The following ZFAT variants were observed in gnomAD, a reference collection of about 807,000 sequenced individuals.
The protein encoded by ZFAT is zinc finger protein ZFAT.
Under a neutral mutation model 117.7 loss-of-function variants are expected in ZFAT, and 64 were observed. The observed-to-expected ratio is 0.54, with a 90% CI of 0.44 to 0.67. The LOEUF (loss-of-function observed/expected upper bound fraction) is 0.67. ZFAT is among the 30% of genes least tolerant of loss of function. The pLI is 0.00. For missense variants in ZFAT, 1,433 were observed against 1,584.5 expected (o/e 0.90, Z 1.62); for synonymous variants, 679 against 615.0 (o/e 1.10, Z -1.54).
At chr8:134,713,639 A>G (rs1814125598), upstream of ZFAT, among the ~76,000 whole-genome samples, 1 of 151,926 alleles carries the variant, frequency 6.6e-6, no homozygotes, top group Admixed American at 6.6e-5. Flanking sequence ...CGCGCCTCCA[A>G]CACCCGCTCA....
chr8:134,601,333 G>T, intron 6 of ZFAT, 144 bp downstream of exon 6: 1 of 1,242,694 alleles, frequency 8.0e-7, no homozygotes, highest in Non-Finnish European at 1.1e-6. Context: ...GGCCACACAG[G>T]GTCACCGTTC....
At chr8:134,697,010 C>T (rs1418539537) in intron 1 of ZFAT, among the ~76,000 whole-genome samples, 1 of 152,092 alleles carries the variant, frequency 6.6e-6, no homozygotes, top group African/African-American at 2.4e-5. Context: ...CTCCGCCCAC[C>T]AGGTTCAAGC....
chr8:134,757,758 C>T, the ZFAT span, among the ~76,000 whole-genome samples: 9 of 152,170 alleles, frequency 5.9e-5, no homozygotes, highest in Non-Finnish European at 1.3e-4. Flanking sequence ...TGAATTGTAG[C>T]AGATATGTCC....
At chr8:134,724,097 T>G in the ZFAT span, 1 of 152,388 alleles carries the variant, frequency 6.6e-6, no homozygotes, top group African/African-American at 2.4e-5. Flanking sequence ...CATCTCTTGA[T>G]GCAGAATCTT....
At chr8:134,774,510 T>C in the ZFAT span, among the ~76,000 whole-genome samples, 3 of 152,034 alleles carry the variant, frequency 2.0e-5, no homozygotes, top group African/African-American at 4.8e-5. Context: ...ACCAGGAAAA[T>C]GATTATGACT....
At position 134,578,097 on chromosome 8, in the gene ZFAT, C is replaced by T. The variant is rs28539938; in HGVS notation, c.2887+5735G>A. On this transcript the variant is annotated intron_variant, in intron 10 of 15. Transcript: ENST00000377838. ...CAAAGCAAAACCCTTGAGATGAGCA[C>T]ATACCTGGCAGGTGTGAGGAACAAG... Among the ~76,000 whole-genome samples, 1,140 of 152,186 alleles carry T rather than the reference C, an allele frequency of 7.5e-3. 17 individuals are homozygous for T. The highest frequency in any genetic ancestry group is 0.025 in the African/African-American group (1,042 of 41,514).
At chr8:134,566,392 T>TAAAAAAAAAA (rs1824465511) in intron 10 of ZFAT, among the ~76,000 whole-genome samples, 2 of 11,622 alleles carry the variant, frequency 1.7e-4, no homozygotes, top group Admixed American at 1.4e-3. Context: ...AGACTCCAAC[T>TAAAAAAAAAA]CAAAAAAAAA....
intron 15 of ZFAT, among the ~76,000 whole-genome samples, chr8:134,483,968 A>C (rs1586554225): frequency 6.7e-6 from 1 of 149,814 alleles, no homozygotes. Flanking sequence ...CTTTCTTCCT[A>C]CTCCCCTGCC....
chr8:134,554,090 T>C (rs1182556403), intron 11 of ZFAT, among the ~76,000 whole-genome samples: 3 of 152,214 alleles, frequency 2.0e-5, no homozygotes, highest in Admixed American at 2.0e-4. Flanking sequence ...TCTCTCCTCG[T>C]GACTCTGCAC....
the ZFAT span, among the ~76,000 whole-genome samples, chr8:134,802,866 T>C: frequency 6.6e-6 from 1 of 152,192 alleles, no homozygotes; most frequent in African/African-American, 2.4e-5. Context: ...TTTCAAGCCA[T>C]TTGCTATAAA....
the ZFAT span, chr8:134,793,733 G>GGGGGGC: frequency 1.3e-5 from 1 of 78,474 alleles, no homozygotes; most frequent in African/African-American, 7.0e-5. Context: ...TCAAGAGTCC[G>GGGGGGC]GGGGCTGGAG....
At chr8:134,595,538 G>A (rs1216532284) in intron 7 of ZFAT, among the ~76,000 whole-genome samples, 1 of 152,134 alleles carries the variant, frequency 6.6e-6, no homozygotes, top group Non-Finnish European at 1.5e-5. Context: ...GCTGAACTCA[G>A]GCACATCAGA....
chr8:134,798,423 A>G, the ZFAT span, among the ~76,000 whole-genome samples: 3 of 152,118 alleles, frequency 2.0e-5, no homozygotes, highest in Non-Finnish European at 4.4e-5. Flanking sequence ...TAATCAGAAA[A>G]TATGTGATTA....
chr8:134,810,609 T>G, the ZFAT span, among the ~76,000 whole-genome samples: 10 of 152,294 alleles, frequency 6.6e-5, 1 homozygote, highest in South Asian at 2.1e-3. Context: ...GTCCTTCCAC[T>G]TATAACTAGC....
intron 15 of ZFAT, among the ~76,000 whole-genome samples, chr8:134,482,870 G>C (rs1178610650): frequency 2.0e-5 from 3 of 152,226 alleles, no homozygotes; most frequent in African/African-American, 7.2e-5. Flanking sequence ...GAGCGTCCAA[G>C]ACACGCAGGG....
At chr8:134,668,221 A>G (rs1455527696) in intron 1 of ZFAT, among the ~76,000 whole-genome samples, 12 of 152,226 alleles carry the variant, frequency 7.9e-5, no homozygotes, top group Admixed American at 7.9e-4. Flanking sequence ...ACCTCTGCAG[A>G]CTTAAAAATG....
intron 7 of ZFAT, among the ~76,000 whole-genome samples, chr8:134,591,443 C>T (rs1289079346): frequency 6.6e-6 from 1 of 152,238 alleles, no homozygotes; most frequent in African/African-American, 2.4e-5. Context: ...CAAGCTATGG[C>T]TTTTGCTCAC....
chr8:134,767,590 A>C, the ZFAT span, among the ~76,000 whole-genome samples: 24 of 152,306 alleles, frequency 1.6e-4, no homozygotes, highest in Non-Finnish European at 1.0e-4. Context: ...TAATATCAAC[A>C]CTTTGGGAGG....
the ZFAT span, among the ~76,000 whole-genome samples, chr8:134,741,285 C>A: frequency 6.6e-6 from 1 of 151,854 alleles, no homozygotes; most frequent in Non-Finnish European, 1.5e-5. Context: ...CCTCTCAAAT[C>A]CTCTCCTCTG....
Sources: gnomAD v4.1 joint callset for allele counts (sites outside exome capture counted in the v4.1 genomes callset) on GRCh38, gnomAD v4.1.1 for gene constraint, MANE v1.5 for transcripts, NCBI Gene and HGNC (gene_info 2026-07-23, HGNC 2026-07-21) for gene names.